The following DCLK1 variants were observed in gnomAD, a reference collection of about 807,000 sequenced individuals.
DCLK1 encodes serine/threonine-protein kinase DCLK1.
In DCLK1, 16 loss-of-function variants were observed where a neutral mutation model predicts 86.2. The ratio of observed to expected loss-of-function variants is 0.19; its 90% CI spans 0.13 to 0.28. The LOEUF is 0.28. Ranked by LOEUF, DCLK1 falls within the 10% of genes least tolerant of loss-of-function variation. The pLI, the probability that DCLK1 is intolerant of heterozygous loss-of-function variation, is 1.00. For synonymous variants in DCLK1, 369 were observed against 370.5 expected (o/e 1.00, Z 0.05); for missense variants, 590 against 940.2 (o/e 0.63, Z 4.87).
chr13:36,090,675 G>A (rs1472208659), intron 3 of DCLK1, among the ~76,000 whole-genome samples: 2 of 152,162 alleles, frequency 1.3e-5, no homozygotes, highest in Non-Finnish European at 2.9e-5. Context: ...GAACGCATGC[G>A]TGGAGAAGGG....
At chr13:36,077,021 A>G (rs1459205981) in intron 3 of DCLK1, among the ~76,000 whole-genome samples, 2 of 152,118 alleles carry the variant, frequency 1.3e-5, no homozygotes, top group Non-Finnish European at 2.9e-5. Flanking sequence ...GAGAGGAGAA[A>G]GAGAGGAGGA....
At chr13:36,030,463 ATTT>A (rs139224506) in intron 3 of DCLK1, among the ~76,000 whole-genome samples, 5,141 of 120,034 alleles carry the variant, frequency 0.043, 125 homozygotes, top group African/African-American at 0.062. Flanking sequence ...CACCTGGCTA[ATTT>A]TTTTTTTTTT....
At chr13:35,842,481 G>A (rs1401178978) in intron 6 of DCLK1, among the ~76,000 whole-genome samples, 1 of 151,358 alleles carries the variant, frequency 6.6e-6, no homozygotes, top group East Asian at 1.9e-4. Flanking sequence ...GACCACCCTG[G>A]GCAACATAGT....
chr13:35,814,618 A>C (rs968724343), intron 11 of DCLK1, among the ~76,000 whole-genome samples: 2 of 152,234 alleles, frequency 1.3e-5, no homozygotes, highest in African/African-American at 2.4e-5. Flanking sequence ...GTGGGAGTAC[A>C]TTAATTGTCA....
intron 3 of DCLK1, among the ~76,000 whole-genome samples, chr13:35,958,766 A>G (rs150950036): frequency 6.6e-6 from 1 of 152,374 alleles, no homozygotes; most frequent in African/African-American, 2.4e-5. Context: ...TTTTAGGAAT[A>G]AATTTACTTT....
At chr13:36,075,518 A>G (rs1406499855) in intron 3 of DCLK1, among the ~76,000 whole-genome samples, 3 of 152,230 alleles carry the variant, frequency 2.0e-5, no homozygotes, top group Non-Finnish European at 2.9e-5. Context: ...GACAATTTAA[A>G]AAAGAGAAGT....
intron 15 of DCLK1, among the ~76,000 whole-genome samples, chr13:35,799,555 GT>G (rs1010636227): frequency 1.0e-3 from 157 of 151,564 alleles, no homozygotes; most frequent in Middle Eastern, 3.4e-3. Flanking sequence ...CTGGCCCTCA[GT>G]TTTTTTTTAA....
chr13:35,933,234 G>C (rs1393645253), intron 4 of DCLK1, among the ~76,000 whole-genome samples: 1 of 152,208 alleles, frequency 6.6e-6, no homozygotes, highest in Non-Finnish European at 1.5e-5. Flanking sequence ...GCAAGGTACA[G>C]CTTCCCTCCC....
At chr13:35,976,248 C>A (rs1879320984) in intron 3 of DCLK1, among the ~76,000 whole-genome samples, 1 of 152,068 alleles carries the variant, frequency 6.6e-6, no homozygotes, top group Non-Finnish European at 1.5e-5. Context: ...AGGGCGTGGG[C>A]AAGTAAGGAA....
At chr13:35,867,424 T>G (rs1455881793) in intron 5 of DCLK1, among the ~76,000 whole-genome samples, 1 of 152,220 alleles carries the variant, frequency 6.6e-6, no homozygotes, top group African/African-American at 2.4e-5. Flanking sequence ...TGATACTACT[T>G]GGTATGACTT....
At chr13:35,956,091 G>A (rs1031044946) in intron 3 of DCLK1, among the ~76,000 whole-genome samples, 15 of 152,050 alleles carry the variant, frequency 9.9e-5, no homozygotes, top group African/African-American at 3.4e-4. Context: ...TCACCTACTT[G>A]CCCCTCTTTC....
At chr13:36,066,366 T>A (rs955431417) in intron 3 of DCLK1, among the ~76,000 whole-genome samples, 2 of 152,216 alleles carry the variant, frequency 1.3e-5, no homozygotes, top group African/African-American at 4.8e-5. Context: ...GCCACAACAC[T>A]TCTTTCCTGG....
chr13:35,778,738 G>A (rs1021269027), intron 16 of DCLK1, among the ~76,000 whole-genome samples: 2 of 152,234 alleles, frequency 1.3e-5, no homozygotes, highest in African/African-American at 4.8e-5. Context: ...GGGAGGCAGG[G>A]TTGGAGGATG....
chr13:36,103,074 T>C (rs1444385840), intron 3 of DCLK1, among the ~76,000 whole-genome samples: 1 of 152,116 alleles, frequency 6.6e-6, no homozygotes, highest in African/African-American at 2.4e-5. Context: ...GTTTTGTTGT[T>C]GTTGTTATTG....
At chr13:35,884,202 G>GA (rs1045772413) in intron 4 of DCLK1, among the ~76,000 whole-genome samples, 134 of 147,360 alleles carry the variant, frequency 9.1e-4, no homozygotes, top group African/African-American at 2.6e-3. Context: ...GTGCCACTTG[G>GA]AAAAAAAAAA....
chr13:35,877,476 C>T (rs760041769), intron 4 of DCLK1, among the ~76,000 whole-genome samples: 17 of 152,328 alleles, frequency 1.1e-4, no homozygotes, highest in Non-Finnish European at 2.4e-4. Context: ...TCTGGAGAAT[C>T]TTGAACAAGG....
chr13:36,085,732 A>G (rs1406969553), intron 3 of DCLK1, among the ~76,000 whole-genome samples: 2 of 152,168 alleles, frequency 1.3e-5, no homozygotes, highest in African/African-American at 4.8e-5. Flanking sequence ...GTCTGCCATT[A>G]AGCATAGCGA....
At chr13:35,912,200 G>A (rs1186811881) in intron 4 of DCLK1, among the ~76,000 whole-genome samples, 1 of 152,058 alleles carries the variant, frequency 6.6e-6, no homozygotes, top group Non-Finnish European at 1.5e-5. Flanking sequence ...GCAATGCTTG[G>A]CCAACTCCAA....
intron 4 of DCLK1, among the ~76,000 whole-genome samples, chr13:35,919,961 C>T (rs2153126660): frequency 6.6e-6 from 1 of 152,138 alleles, no homozygotes; most frequent in East Asian, 1.9e-4. Flanking sequence ...GCTTACGACA[C>T]AGCCGGCAAA....
Sources: gnomAD v4.1 joint callset for allele counts (sites outside exome capture counted in the v4.1 genomes callset) on GRCh38, gnomAD v4.1.1 for gene constraint, MANE v1.5 for transcripts, NCBI Gene and HGNC (gene_info 2026-07-23, HGNC 2026-07-21) for gene names.